Variants in RBM23 observed in about 807,000 individuals in gnomAD.
RBM23 encodes RNA binding motif protein 23, also known as probable RNA-binding protein 23.
RBM23 carries 53 observed loss-of-function variants against 56.2 expected under a neutral mutation model. The ratio of observed to expected loss-of-function variants is 0.94; its 90% CI spans 0.76 to 1.19. The LOEUF (loss-of-function observed/expected upper bound fraction) is 1.19. Ranked by LOEUF, RBM23 falls within the 50% of genes most tolerant of loss-of-function variation. The pLI is 0.00. For synonymous variants in RBM23, 197 were observed against 198.5 expected (o/e 0.99, Z 0.06); for missense variants, 642 against 590.3 (o/e 1.09, Z -0.91).
chr14:22,913,034 A>G (rs989930260), intron 1 of RBM23, among the ~76,000 whole-genome samples: 1 of 148,592 alleles, frequency 6.7e-6, no homozygotes, highest in Non-Finnish European at 1.5e-5. Context: ...AAGCAAACTA[A>G]TCACTATATC....
At chr14:22,911,569 T>C (rs1032997337) in intron 1 of RBM23, 166 bp from the exon 2 acceptor site, 1 of 542,170 alleles carries the variant, frequency 1.8e-6, no homozygotes, top group African/African-American at 1.9e-5. Context: ...TACTCTAGGT[T>C]TATTTTTACA....
Position 22,904,988 on chromosome 14 carries a change from T to C in RBM23, c.751A>G (p.Met251Val), listed in dbSNP as rs753298134. Residue 251 changes from methionine to valine, a missense_variant, in exon 9 of 14, where the codon ATG becomes GTG. Coordinates refer to ENST00000359890, the MANE Select transcript of RBM23 (RefSeq NM_001077351.2). ...SQAEKNRLAAMANNLQKGNGG... is the reference protein window; with the variant it reads ...SQAEKNRLAAVANNLQKGNGG... ...TTGCCCTTTTGCAGGTTGTTGGCCA[T>C]GGCTGCCAGTCGGTTTTTCTCTGCC... The C allele has an allele frequency of 1.2e-6, 2 of 1,614,236 alleles. No individual in the cohort carries two copies. Among genetic ancestry groups the C allele is most frequent in the Admixed American group, 1.7e-5 (1 of 60,018 alleles).
chr14:22,905,238 A>T lies in RBM23; in HGVS notation c.582T>A (p.Asp194Glu). ...AGTTCCGATCTGAGATGATACGTAC[A>T]TCGCGAACCTATCCAGGACGCAAAA... is the stretch of plus-strand genomic sequence containing the variant. ...DFFSAVGKVR[D>E]VRIISDRNSR... is the part of the protein sequence containing the mutation. Residue 194 changes from aspartate to glutamate, a missense_variant, in exon 8 of 14, where the codon GAT (aspartate) becomes GAA (glutamate). By Grantham distance (45) the Asp-to-Glu change is conservative (BLOSUM62 2). Transcript: ENST00000359890. 1 of 1,614,204 alleles carries T rather than the reference A, an allele frequency of 6.2e-7. No homozygotes were observed. Among genetic ancestry groups the T allele is most frequent in the Non-Finnish European group, 8.5e-7 (1 of 1,180,036 alleles).
intron 10 of RBM23, chr14:22,903,639 C>T: frequency 1.0e-6 from 1 of 999,640 alleles, no homozygotes; most frequent in South Asian, 4.3e-5. Flanking sequence ...GGTTTAAGCC[C>T]AGAAAATACA....
rs376112760 is a variant in RBM23, at chr14:22,899,314, G to A, written c.*2416C>T. The A allele has an allele frequency of 6.6e-6, 1 of 152,172 alleles. No individual in the cohort carries two copies. Among genetic ancestry groups the A allele is most frequent in the Non-Finnish European group, 1.5e-5 (1 of 68,068 alleles). 9.4% of individuals were successfully genotyped at this position (152,172 alleles called of 1,614,324 possible). A position where few individuals can be genotyped will look rare whatever the true frequency, so the allele number is the denominator to read the frequency against. ...TTTCTACCTTGTGCCCTTCTGACAT[G>A]GGATGACCCCCACCTGATGCAGGCA... is the stretch of plus-strand genomic sequence containing the variant. On this transcript the variant is annotated 3_prime_UTR_variant, in exon 14 of 14. Coordinates refer to ENST00000359890, the MANE Select transcript of RBM23 (RefSeq NM_001077351.2).
In RBM23 at chr14:22,911,366, T is replaced by A; in HGVS notation, c.28A>T (p.Ile10Phe). The change falls in exon 2 of 14, where the codon ATT becomes TTT. Residue 10 changes from isoleucine to phenylalanine, a missense_variant. Transcript: ENST00000359890. MASDDFDIV[I>F]EAMLEAPYKK... ...TAGGGAGCTTCCAGCATGGCCTCAA[T>A]CACTATGTCAAAGTCATCAGATGCC... The A allele has an allele frequency of 1.2e-6, 2 of 1,613,782 alleles. No individual in the cohort carries two copies. The highest frequency in any genetic ancestry group is 1.3e-5 in the African/African-American group (1 of 75,030).
At position 22,897,719 on chromosome 14, in the gene RBM23, C is replaced by T. The variant is rs369359296; in HGVS notation, c.*4011G>A. ...AAAAGTGACACTTCCTCACTGACTC[C>T]AAGGCCTTGTCTTCCATGGTGGTGC... On this transcript the variant is annotated 3_prime_UTR_variant, in exon 14 of 14. Transcript: ENST00000359890. 105 of 152,298 alleles carry T rather than the reference C, an allele frequency of 6.9e-4. No individual in the cohort carries two copies. Among genetic ancestry groups the T allele is most frequent in the African/African-American group, 2.5e-3 (103 of 41,552 alleles). 9.4% of individuals were successfully genotyped at this position (152,298 alleles called of 1,614,324 possible).
At chr14:22,914,769 G>A (rs1245996218) in intron 1 of RBM23, among the ~76,000 whole-genome samples, 1 of 152,038 alleles carries the variant, frequency 6.6e-6, no homozygotes, top group Admixed American at 6.6e-5. Context: ...GATCACCTGA[G>A]GTCAGGAGTT....
intron 1 of RBM23, chr14:22,913,986 T>C (rs1238942593): frequency 6.9e-6 from 1 of 145,074 alleles, no homozygotes; most frequent in Admixed American, 7.0e-5. Context: ...ATGGCACCAT[T>C]GCACTCCAGG....
chr14:22,916,912 A>C (rs2139155040), intron 1 of RBM23: 1 of 152,190 alleles, frequency 6.6e-6, no homozygotes, highest in African/African-American at 2.4e-5. Context: ...CTTGTTGCCC[A>C]GGATGGAGTG....
At chr14:22,902,750 T>C (rs2040788344) in intron 10 of RBM23, 1 of 958,854 alleles carries the variant, frequency 1.0e-6, no homozygotes, top group Non-Finnish European at 1.2e-6. Context: ...CCTAGTAAGT[T>C]TTAGTCTTTT....
In RBM23 at chr14:22,893,904, T is replaced by C. The variant is rs1168298410; in HGVS notation, c.*7826A>G. On this transcript the variant is annotated 3_prime_UTR_variant, in exon 14 of 14. Transcript: ENST00000359890. ...TGGCCTTGAAAACTCCAGATGTGAA[T>C]GCAAATTCAGTAAGCCCTTGAATGC... 1 of 152,190 alleles carries C rather than the reference T, an allele frequency of 6.6e-6. No homozygotes were observed. The highest frequency in any genetic ancestry group is 1.5e-5 in the Non-Finnish European group (1 of 68,044). The allele number at this position is 152,190 out of a possible 1,614,324, so 9.4% of individuals were successfully genotyped here.
Position 22,901,693 on chromosome 14 carries a change from CCAGAGGCACA to C in RBM23, c.*27_*36del. On this transcript the variant is annotated 3_prime_UTR_variant, in exon 14 of 14. Coordinates refer to ENST00000359890, the MANE Select transcript of RBM23 (RefSeq NM_001077351.2). ...AAGAGTAGATGTGAAGTGGCAGGAT[CCAGAGGCACA>C]AGGAGGCAGTATACTGTGCCACTGA... The C allele has an allele frequency of 6.2e-7, 1 of 1,607,594 alleles. No individual in the cohort carries two copies. Among genetic ancestry groups the C allele is most frequent in the Non-Finnish European group, 8.5e-7 (1 of 1,174,108 alleles).
chr14:22,914,198 G>A (rs910878076), intron 1 of RBM23, among the ~76,000 whole-genome samples: 7 of 151,682 alleles, frequency 4.6e-5, no homozygotes, highest in Admixed American at 1.3e-4. Flanking sequence ...GGTGGCGCAC[G>A]CCTGTTGTCC....
chr14:22,901,406 G>C lies in RBM23; in HGVS notation c.*324C>G. The C allele has an allele frequency of 4.1e-6, 2 of 485,312 alleles. No individual in the cohort carries two copies. Among genetic ancestry groups the C allele is most frequent in the South Asian group, 5.9e-5 (2 of 33,700 alleles). The allele number at this position is 485,312 out of a possible 1,614,324, so 30.1% of individuals were successfully genotyped here. On this transcript the variant is annotated 3_prime_UTR_variant, in exon 14 of 14. Coordinates refer to ENST00000359890, the MANE Select transcript of RBM23 (RefSeq NM_001077351.2). ...AGTATGCCCTATGGCCTTCCCAATG[G>C]GGGAGAAATTGAGGAATCACTAAGG...
In RBM23 at chr14:22,896,400, G is replaced by A. The variant is rs985317059; in HGVS notation, c.*5330C>T. 12 of 152,192 alleles carry A rather than the reference G, an allele frequency of 7.9e-5. No homozygotes were observed. The highest frequency in any genetic ancestry group is 2.9e-4 in the African/African-American group (12 of 41,436). The allele number at this position is 152,192 out of a possible 1,614,324, so 9.4% of individuals were successfully genotyped here. Reference sequence around the variant, plus strand: ...CCTAGCTTGCTTATGCTCAGGAGTTGAGGAGGCGAATTCTTAGCACCACTA... The same window carrying A: ...CCTAGCTTGCTTATGCTCAGGAGTTAAGGAGGCGAATTCTTAGCACCACTA... On this transcript the variant is annotated 3_prime_UTR_variant, in exon 14 of 14. Coordinates refer to ENST00000359890, the MANE Select transcript of RBM23 (RefSeq NM_001077351.2).
chr14:22,906,367 G>T lies in RBM23; in HGVS notation c.229C>A (p.Arg77Ser). 6.2e-7 allele frequency: 1 copy of T among 1,613,922 alleles called. No individual in the cohort carries two copies. Among genetic ancestry groups the T allele is most frequent in the Non-Finnish European group, 8.5e-7 (1 of 1,179,906 alleles). The change falls in exon 5 of 14, where the codon CGT becomes AGT. Residue 77 changes from arginine to serine, a missense_variant and splice_region_variant. Coordinates refer to ENST00000359890, the MANE Select transcript of RBM23 (RefSeq NM_001077351.2). Reference sequence around the variant, plus strand: ...CTATACCGATCCCGATCTCGACTACGACTACAGAGGGAAACAACTACAGTC... The same window carrying T: ...CTATACCGATCCCGATCTCGACTACTACTACAGAGGGAAACAACTACAGTC... ...HNKSRDRKRS[R>S]SRDRDRYRRR...
Position 22,919,021 on chromosome 14 carries a change from G to A in RBM23, c.-33C>T, listed in dbSNP as rs1473700213. ...CACCAGTTCCGGGTCCCCGCAGGGGGGTCCCGGTTCTCTCCGTTCCTTTGA... is the reference window on the plus strand; with the variant it reads ...CACCAGTTCCGGGTCCCCGCAGGGGAGTCCCGGTTCTCTCCGTTCCTTTGA... On this transcript the variant is annotated 5_prime_UTR_variant, in exon 1 of 14. Transcript: ENST00000359890. 3 of 152,174 alleles carry A rather than the reference G, an allele frequency of 2.0e-5. No individual in the cohort carries two copies. The highest frequency in any genetic ancestry group is 4.4e-5 in the Non-Finnish European group (3 of 68,042). The allele number at this position is 152,174 out of a possible 1,614,324, so 9.4% of individuals were successfully genotyped here.
At chr14:22,902,524 C>G in intron 10 of RBM23, 142 bp from the exon 11 acceptor site, 4 of 1,401,782 alleles carry the variant, frequency 2.9e-6, no homozygotes, top group Non-Finnish European at 3.7e-6. Flanking sequence ...AAAATATGAC[C>G]TAGGCCCATC....
Sources: allele counts gnomAD v4.1 joint callset (sites outside exome capture counted in the v4.1 genomes callset), GRCh38; gene constraint gnomAD v4.1.1; transcripts MANE v1.5; gene names NCBI Gene and HGNC (gene_info 2026-07-23, HGNC 2026-07-21).